Variants in DLX1 observed in about 807,000 individuals in gnomAD.
DLX1 encodes the protein distal-less homeobox 1.
A neutral mutation model predicts 25.0 loss-of-function variants in DLX1; 7 were observed. The observed-to-expected ratio is 0.28, with a 90% CI of 0.16 to 0.52. DLX1 has a LOEUF of 0.52. Among genes scored for constraint, DLX1 ranks in the 20% least tolerant of loss-of-function variants. DLX1 has a pLI of 0.96. For missense variants in DLX1, 233 were observed against 334.4 expected, an observed-to-expected ratio of 0.70 and a Z score of 2.37; for synonymous variants, 155 against 140.3, an observed-to-expected ratio of 1.10 and a Z score of -0.74.
rs1168898692 is a variant in DLX1 at position 172,088,091 on chromosome 2, A to G, written c.602A>G (p.Asn201Ser). The change falls in exon 3 of 3, where the codon AAC (asparagine) becomes AGC (serine). Residue 201 changes from asparagine (N) to serine (S), a missense_variant. This residue lies in a region of DLX1 where 84 missense variants were observed against 81.8 expected (regional missense o/e 1.03). Coordinates refer to ENST00000361725, the MANE Select transcript of DLX1 (RefSeq NM_178120.5). ...GAALEGSALANGRALSAGSPP... is the reference protein window; with the variant it reads ...GAALEGSALASGRALSAGSPP... Reference sequence around the variant, plus strand: ...GCTCTGGAGGGTAGTGCGTTGGCCAACGGTCGGGCCCTGTCTGCTGGCTCC... The same window carrying G: ...GCTCTGGAGGGTAGTGCGTTGGCCAGCGGTCGGGCCCTGTCTGCTGGCTCC... 4 of 1,594,122 alleles carry G rather than the reference A, an allele frequency of 2.5e-6. No homozygotes were observed. The highest frequency in any genetic ancestry group is 1.4e-5 in the African/African-American group (1 of 73,932).
chr2:172,087,141 A>G (rs186526026), intron 2 of DLX1: 21 of 655,754 alleles, frequency 3.2e-5, no homozygotes, highest in Middle Eastern at 2.4e-4. Context: ...GGGAACTCAG[A>G]GGTCACACGT....
At chr2:172,087,186 A>G in intron 2 of DLX1, 1 of 542,858 alleles carries the variant, frequency 1.8e-6, no homozygotes, top group Non-Finnish European at 3.6e-6. Context: ...TCCGGGCTTA[A>G]TCCCTCCTTT....
chr2:172,088,569 A>T lies in DLX1; in HGVS notation c.*312A>T. On this transcript the variant is annotated 3_prime_UTR_variant, in exon 3 of 3. Transcript: ENST00000361725. The stretch of plus-strand genomic sequence containing the variant: ...ACCCGCCGACCTTCAGCTTTGTGGG[A>T]CTATCAGGAAAAAACAAAACAAAAA... 1 of 340,604 alleles carries T rather than the reference A, an allele frequency of 2.9e-6. No individual in the cohort carries two copies. The highest frequency in any genetic ancestry group is 4.4e-5 in the East Asian group (1 of 22,580). 21.1% of individuals were successfully genotyped at this position (340,604 alleles called of 1,614,324 possible). A position where few individuals can be genotyped will look rare whatever the true frequency, so the allele number is the denominator to read the frequency against.
In DLX1 at chr2:172,088,158, G is replaced by C; in HGVS notation, c.669G>C (p.Gly223=). 1 of 1,610,858 alleles carries C rather than the reference G, an allele frequency of 6.2e-7. No homozygotes were observed. Among genetic ancestry groups the C allele is most frequent in the South Asian group, 1.1e-5 (1 of 90,620 alleles). The change falls in exon 3 of 3, where the codon GGG becomes GGC. Residue 223 remains glycine, a synonymous_variant. Coordinates refer to ENST00000361725, the MANE Select transcript of DLX1 (RefSeq NM_178120.5). Reference sequence around the variant, plus strand: ...GCTGGAACCCTAACTCTTCATCCGGGAAGGGCTCAGGAGGAAACGCGGGCT... The same window carrying C: ...GCTGGAACCCTAACTCTTCATCCGGCAAGGGCTCAGGAGGAAACGCGGGCT... ...PPGWNPNSSS[G]KGSGGNAGSY...
At position 172,088,458 on chromosome 2, in the gene DLX1, C is replaced by A; in HGVS notation, c.*201C>A. The A allele has an allele frequency of 1.7e-6, 1 of 585,528 alleles. No homozygotes were observed. The highest frequency in any genetic ancestry group is 2.5e-6 in the Non-Finnish European group (1 of 394,638). 36.3% of individuals were successfully genotyped at this position (585,528 alleles called of 1,614,324 possible). A position where few individuals can be genotyped will look rare whatever the true frequency, so the allele number is the denominator to read the frequency against. The stretch of plus-strand genomic sequence containing the variant: ...CTCTAGCCTGAACCCTGGCCTGGGC[C>A]GAGCAGTGGCAGCAGAGAGTGGCCT... On this transcript the variant is annotated 3_prime_UTR_variant, in exon 3 of 3. Transcript: ENST00000361725.
intron 1 of DLX1, chr2:172,086,281 A>T: frequency 4.0e-6 from 2 of 503,614 alleles, no homozygotes; most frequent in Non-Finnish European, 7.0e-6. Flanking sequence ...CTCGGTGTGC[A>T]GAGCACACAA....
Position 172,087,277 on chromosome 2 carries a change from G to T in DLX1, c.513+424G>T, listed in dbSNP as rs988308756. On this transcript the variant is annotated intron_variant, in intron 2 of 2. Transcript: ENST00000361725. ...TCCTCCTCCTCCTTCTTACCGGTTG[G>T]GGGTGGGGGGAGATCCTTTCCTCCG... The T allele has an allele frequency of 7.9e-6, 3 of 379,776 alleles. No individual in the cohort carries two copies. The Admixed American group carries it at 1.0e-4, about 13-fold the overall frequency. The allele number at this position is 379,776 out of a possible 1,614,324, so 23.5% of individuals were successfully genotyped here.
In DLX1 at chr2:172,088,710, G is replaced by A. The variant is rs788172; in HGVS notation, c.*453G>A. ...CATCCGTCCGCTGTCCTCATTCTGC[G>A]GCCTCAGCAAAAAGCCACAAGGTCT... On this transcript the variant is annotated 3_prime_UTR_variant, in exon 3 of 3. Transcript: ENST00000361725. 0.41 allele frequency: 63,655 copies of A among 153,648 alleles called. 15,079 individuals carry two copies. Among genetic ancestry groups the A allele is most frequent in the African/African-American group, 0.66 (27,354 of 41,438 alleles). 9.5% of individuals were successfully genotyped at this position (153,648 alleles called of 1,614,324 possible). A position where few individuals can be genotyped will look rare whatever the true frequency, so the allele number is the denominator to read the frequency against.
Position 172,085,521 on chromosome 2 carries a change from T to C in DLX1, c.-157T>C. ...TTGGGGAGCTCAGCAGCATCATGCT[T>C]AGACTTTTCAAAGAGACAAACTCCA... On this transcript the variant is annotated 5_prime_UTR_variant, in exon 1 of 3. Coordinates refer to ENST00000361725, the MANE Select transcript of DLX1 (RefSeq NM_178120.5). The surrounding 1 kb of genome is among the most constrained non-coding windows in gnomAD (Gnocchi z 4.3). 3 of 755,772 alleles carry C rather than the reference T, an allele frequency of 4.0e-6. No homozygotes were observed. The highest frequency in any genetic ancestry group is 4.2e-6 in the Non-Finnish European group (2 of 472,008). 46.8% of individuals were successfully genotyped at this position (755,772 alleles called of 1,614,324 possible).
chr2:172,089,373 T>C lies in DLX1; in HGVS notation c.*1116T>C, dbSNP rs936427142. On this transcript the variant is annotated 3_prime_UTR_variant, in exon 3 of 3. Transcript: ENST00000361725. Reference sequence around the variant, plus strand: ...GTGCAGGATCTAATGACTGTACATATTATTGTTATTATTATTATTGTTATT... The same window carrying C: ...GTGCAGGATCTAATGACTGTACATACTATTGTTATTATTATTATTGTTATT... 2.0e-5 allele frequency: 3 copies of C among 152,500 alleles called. No individual in the cohort carries two copies. Among genetic ancestry groups the C allele is most frequent in the African/African-American group, 7.3e-5 (3 of 41,372 alleles). The allele number at this position is 152,500 out of a possible 1,614,324, so 9.4% of individuals were successfully genotyped here. A position where few individuals can be genotyped will look rare whatever the true frequency, so the allele number is the denominator to read the frequency against.
intron 1 of DLX1, chr2:172,086,415 T>C (rs1690839891): frequency 4.1e-6 from 2 of 487,654 alleles, no homozygotes; most frequent in African/African-American, 4.0e-5. Context: ...CCTGCAAAAA[T>C]AGCAAACTTT....
intron 1 of DLX1, chr2:172,086,370 G>A: frequency 2.1e-6 from 1 of 480,174 alleles, no homozygotes; most frequent in Non-Finnish European, 3.7e-6. Context: ...TATAAACAAT[G>A]TATGCAATTA....
At chr2:172,086,019 G>T in intron 1 of DLX1, 29 bp downstream of exon 1, 1 of 1,592,120 alleles carries the variant, frequency 6.3e-7, no homozygotes, top group Non-Finnish European at 8.6e-7. Flanking sequence ...GAGAGGGAGA[G>T]GAGGAGGTAC....
chr2:172,086,150 TATCA>T, intron 1 of DLX1, 160 bp downstream of exon 1: 1 of 653,912 alleles, frequency 1.5e-6, no homozygotes, highest in Non-Finnish European at 2.6e-6. Flanking sequence ...AGGTTTCGAA[TATCA>T]ATCTATAGAT....
intron 1 of DLX1, chr2:172,086,269 G>A (rs1690837466): frequency 1.9e-6 from 1 of 525,428 alleles, no homozygotes; most frequent in South Asian, 3.0e-5. Context: ...GCCTCTGGGC[G>A]GCTCGGTGTG....
In DLX1 at chr2:172,085,873, C is replaced by A; in HGVS notation, c.196C>A (p.Pro66Thr). 6.2e-7 allele frequency: 1 copy of A among 1,614,224 alleles called. No individual in the cohort carries two copies. The highest frequency in any genetic ancestry group is 8.5e-7 in the Non-Finnish European group (1 of 1,180,040). ...AYSSASSFSR[P>T]LGYPYVNSVS... ...CAGCTCAGCCTCGTCCTTCTCCCGA[C>A]CGCTGGGCTACCCCTACGTCAACTC... The change falls in exon 1 of 3, where the codon CCG (proline) becomes ACG (threonine). Residue 66 changes from proline to threonine, a missense_variant. Physicochemically the swap from Pro to Thr is conservative, Grantham distance 38. Coordinates refer to ENST00000361725, the MANE Select transcript of DLX1 (RefSeq NM_178120.5). The surrounding 1 kb of genome is among the most constrained non-coding windows in gnomAD (Gnocchi z 4.3).
At position 172,089,251 on chromosome 2, in the gene DLX1, A is replaced by T. The variant is rs950824604; in HGVS notation, c.*994A>T. 1 of 152,202 alleles carries T rather than the reference A, an allele frequency of 6.6e-6. No individual in the cohort carries two copies. The highest frequency in any genetic ancestry group is 1.5e-5 in the Non-Finnish European group (1 of 68,040). The allele number at this position is 152,202 out of a possible 1,614,324, so 9.4% of individuals were successfully genotyped here. A position where few individuals can be genotyped will look rare whatever the true frequency, so the allele number is the denominator to read the frequency against. The stretch of plus-strand genomic sequence containing the variant: ...AGGCGAGAACAAGCACTCTAATTCC[A>T]GTGGGCTTTAAAATAAGACAAAATC... On this transcript the variant is annotated 3_prime_UTR_variant, in exon 3 of 3. Coordinates refer to ENST00000361725, the MANE Select transcript of DLX1 (RefSeq NM_178120.5).
chr2:172,087,525 T>C (rs1163729474), intron 2 of DLX1: 2 of 459,678 alleles, frequency 4.4e-6, no homozygotes, highest in Non-Finnish European at 4.4e-6. Flanking sequence ...GAGGCCTCCT[T>C]AGTCCGTCCC....
chr2:172,086,296 C>T (rs116381891), intron 1 of DLX1: 10,047 of 474,946 alleles, frequency 0.021, 230 homozygotes, highest in Admixed American at 0.077. Context: ...ACACAATGCC[C>T]CGCTGGAAAA....
Sources: gnomAD v4.1 joint callset for allele counts on GRCh38, gnomAD v4.1.1 for gene constraint, gnomAD v4.1.1 regional missense constraint, Gnocchi (gnomAD v3.1) non-coding constraint, MANE v1.5 for transcripts, NCBI Gene and HGNC (gene_info 2026-07-23, HGNC 2026-07-21) for gene names.